The following FBXL13 variants were observed in gnomAD, a reference collection of about 807,000 sequenced individuals.
FBXL13 encodes F-box and leucine-rich repeat protein 13.
In FBXL13, 67 loss-of-function variants were observed where a neutral mutation model predicts 83.6. The observed-to-expected ratio is 0.80, with a 90% CI of 0.66 to 0.98. The LOEUF (loss-of-function observed/expected upper bound fraction) is 0.98. Among genes scored for constraint, FBXL13 ranks in the 50% least tolerant of loss-of-function variants. The pLI is 0.00. For missense variants in FBXL13, 822 were observed against 866.5 expected (o/e 0.95, Z 0.64); for synonymous variants, 272 against 299.5 (o/e 0.91, Z 0.95).
At chr7:103,055,160 T>TG (rs1216919767) in intron 2 of FBXL13, 1 of 1,288,854 alleles carries the variant, frequency 7.8e-7, no homozygotes, top group Non-Finnish European at 1.0e-6. Context: ...GTTTCATTGA[T>TG]GGAGTAATGC....
At chr7:102,857,890 C>T (rs1013617176) in intron 16 of FBXL13, 4 of 152,094 alleles carry the variant, frequency 2.6e-5, no homozygotes, top group African/African-American at 9.7e-5. Flanking sequence ...TTATGGAAAA[C>T]AGCATAGAAA....
At chr7:103,007,530 G>T (rs1375098443) in intron 6 of FBXL13, among the ~76,000 whole-genome samples, 2 of 152,008 alleles carry the variant, frequency 1.3e-5, no homozygotes, top group Non-Finnish European at 2.9e-5. Context: ...ATAAAACTGA[G>T]AAAACTTAGC....
chr7:102,968,089 A>G, exon 7 of FBXL13: 1 of 1,613,458 alleles, frequency 6.2e-7, no homozygotes, highest in Non-Finnish European at 8.5e-7. Flanking sequence ...ACATATTATC[A>G]CATCTTTTAA....
chr7:102,821,183 T>C (rs1798764048), intron 19 of FBXL13, among the ~76,000 whole-genome samples: 3 of 152,164 alleles, frequency 2.0e-5, no homozygotes, highest in Non-Finnish European at 4.4e-5. Context: ...TAAATGAGGT[T>C]AGCAGTATTC....
intron 6 of FBXL13, among the ~76,000 whole-genome samples, chr7:102,994,059 A>G (rs369361261): frequency 9.2e-5 from 14 of 152,340 alleles, no homozygotes; most frequent in African/African-American, 3.1e-4. Flanking sequence ...ATGCCATTTA[A>G]AAAGTATGAT....
chr7:102,902,131 C>A (rs748196937), intron 11 of FBXL13, among the ~76,000 whole-genome samples: 52 of 152,212 alleles, frequency 3.4e-4, no homozygotes, highest in African/African-American at 1.3e-3. Flanking sequence ...GCCATTTTAA[C>A]GGGGGTAAGA....
chr7:102,818,607 G>A (rs1798336608), intron 19 of FBXL13, among the ~76,000 whole-genome samples: 1 of 152,142 alleles, frequency 6.6e-6, no homozygotes, highest in Non-Finnish European at 1.5e-5. Flanking sequence ...GAATGCCTGA[G>A]CAGTAGGGAC....
At position 102,884,381 on chromosome 7, in the gene FBXL13, C is replaced by A. The variant is rs866202473; in HGVS notation, c.1009-69G>T. ...TGATAAAAATCCAAGGGAGTAATAA[C>A]CAAAGATACACCATAATTTTGTTAC... On this transcript the variant is annotated intron_variant, in intron 11 of 19. Coordinates refer to ENST00000313221, the Ensembl canonical transcript of FBXL13. 9.2e-6 allele frequency: 10 copies of A among 1,091,484 alleles called. No homozygotes were observed. The Middle Eastern group carries it at 1.4e-3, about 155-fold the overall frequency. The allele number at this position is 1,091,484 out of a possible 1,614,324, so 67.6% of individuals were successfully genotyped here.
At chr7:102,894,744 A>AGAG (rs1021406378) in intron 11 of FBXL13, among the ~76,000 whole-genome samples, 2 of 150,680 alleles carry the variant, frequency 1.3e-5, no homozygotes, top group African/African-American at 4.9e-5. Context: ...AAAAAAAAAA[A>AGAG]AGAGAGAGAG....
chr7:102,862,370 G>T (rs1177501500), intron 16 of FBXL13, among the ~76,000 whole-genome samples: 2 of 151,568 alleles, frequency 1.3e-5, no homozygotes, highest in East Asian at 3.9e-4. Context: ...GTTTTGGAGG[G>T]TGCGCAATGA....
chr7:102,996,034 T>G (rs1474758852), intron 6 of FBXL13, among the ~76,000 whole-genome samples: 1 of 152,140 alleles, frequency 6.6e-6, no homozygotes, highest in Non-Finnish European at 1.5e-5. Flanking sequence ...GAGGTAGTTT[T>G]AAAGATCAAA....
At chr7:102,865,093 A>T (rs752303032) in intron 16 of FBXL13, among the ~76,000 whole-genome samples, 1 of 152,244 alleles carries the variant, frequency 6.6e-6, no homozygotes, top group Non-Finnish European at 1.5e-5. Context: ...TGTGTATGAT[A>T]TATAGTTGAC....
chr7:103,051,293 C>A (rs1334562919), intron 2 of FBXL13, among the ~76,000 whole-genome samples: 1 of 152,172 alleles, frequency 6.6e-6, no homozygotes, highest in Non-Finnish European at 1.5e-5. Flanking sequence ...CTTTCTGAAC[C>A]AGTCAGGTGT....
intron 16 of FBXL13, among the ~76,000 whole-genome samples, chr7:102,860,113 C>G (rs1806588382): frequency 6.6e-6 from 1 of 152,176 alleles, no homozygotes; most frequent in African/African-American, 2.4e-5. Context: ...TCACAAGAAC[C>G]TCGTACATTA....
chr7:102,881,263 T>G (rs1810017341), intron 14 of FBXL13, among the ~76,000 whole-genome samples: 1 of 151,776 alleles, frequency 6.6e-6, no homozygotes, highest in South Asian at 2.1e-4. Context: ...CTGGCCAACA[T>G]GGTGAGACCC....
At chr7:102,981,103 A>T (rs1439737343) in intron 6 of FBXL13, among the ~76,000 whole-genome samples, 1 of 152,148 alleles carries the variant, frequency 6.6e-6, no homozygotes, top group African/African-American at 2.4e-5. Flanking sequence ...TACCTACTGT[A>T]CTTGTAGGAT....
rs752461220 is a variant in FBXL13, at chr7:102,968,070, A to C, written c.543T>G (p.Val181=). The C allele has an allele frequency of 7.4e-6, 12 of 1,613,980 alleles. 1 individual carries two copies. The highest frequency in any genetic ancestry group is 1.0e-5 in the Non-Finnish European group (12 of 1,179,918). ...GTGTCATCAACATCCAGGCATGATT[A>C]ACTTGACCACATATTATCACATCTT... Residue 181 remains valine, a synonymous_variant, in exon 7 of 20, where the codon GTT becomes GTG. Coordinates refer to ENST00000313221, the Ensembl canonical transcript of FBXL13.
At chr7:102,824,651 A>G (rs1799307099) in intron 18 of FBXL13, among the ~76,000 whole-genome samples, 1 of 151,930 alleles carries the variant, frequency 6.6e-6, no homozygotes, top group African/African-American at 2.4e-5. Context: ...ACGCCCAACT[A>G]ATTTTTGTAT....
chr7:102,814,863 T>C lies in FBXL13; in HGVS notation c.2019-1332A>G, dbSNP rs1052988757. ...GCTAGCCTGCATTTTAAACCTCTTATATAATCTTTACATATCCTCAAAGTA... is the reference window on the plus strand; with the variant it reads ...GCTAGCCTGCATTTTAAACCTCTTACATAATCTTTACATATCCTCAAAGTA... On this transcript the variant is annotated intron_variant, in intron 19 of 19. Coordinates refer to ENST00000313221, the Ensembl canonical transcript of FBXL13. Among the ~76,000 whole-genome samples, 7 of 152,252 alleles carry C rather than the reference T, an allele frequency of 4.6e-5. No homozygotes were observed. In the East Asian group the frequency reaches 7.7e-4, roughly 17 times the overall value.
Sources: allele counts gnomAD v4.1 joint callset (sites outside exome capture counted in the v4.1 genomes callset), GRCh38; gene constraint gnomAD v4.1.1; transcripts MANE v1.5; gene names NCBI Gene and HGNC (gene_info 2026-07-23, HGNC 2026-07-21).